Variants in GULP1 observed in about 807,000 individuals in gnomAD.
GULP1 encodes PTB domain-containing engulfment adapter protein 1.
A neutral mutation model predicts 40.9 loss-of-function variants in GULP1; 19 were observed. The observed-to-expected ratio is 0.46, with a 90% CI of 0.32 to 0.68. The LOEUF (loss-of-function observed/expected upper bound fraction) is 0.68. GULP1 is among the 30% of genes least tolerant of loss of function. The pLI is 0.03. For missense variants in GULP1, 312 were observed against 362.2 expected, an observed-to-expected ratio of 0.86 and a Z score of 1.12; for synonymous variants, 119 against 117.6, an observed-to-expected ratio of 1.01 and a Z score of -0.08.
At chr2:188,297,360 CTTAGAAG>C in intron 1 of GULP1, 1 of 397,344 alleles carries the variant, frequency 2.5e-6, no homozygotes. Flanking sequence ...AAATTCACTA[CTTAGAAG>C]TTAGATACTA....
At chr2:188,564,749 C>G (rs762338072) in intron 7 of GULP1, among the ~76,000 whole-genome samples, 1 of 151,754 alleles carries the variant, frequency 6.6e-6, no homozygotes, top group Non-Finnish European at 1.5e-5. Flanking sequence ...TTACCTAGAA[C>G]AAAAACAAAT....
chr2:188,463,695 T>C (rs911782054), intron 2 of GULP1, among the ~76,000 whole-genome samples: 11 of 152,098 alleles, frequency 7.2e-5, no homozygotes, highest in African/African-American at 2.7e-4. Context: ...TTTATTTTTT[T>C]TTCTTCGTTT....
In GULP1 at chr2:188,462,692, GT is replaced by G. The variant is rs1179105028; in HGVS notation, c.-44-14964del. ...GTGAACTTCTTTGTCTTTTCTTACA[GT>G]TTCTTCCTGTTTTCCTTTTATTGAA... On this transcript the variant is annotated intron_variant, in intron 2 of 11. Coordinates refer to ENST00000409830, the MANE Select transcript of GULP1 (RefSeq NM_016315.4). 5.9e-5 allele frequency among the ~76,000 whole-genome samples: 9 copies of G among 151,954 alleles called. No homozygotes were observed. The South Asian group carries it at 1.2e-3, about 21-fold the overall frequency.
intron 1 of GULP1, among the ~76,000 whole-genome samples, chr2:188,363,607 A>G (rs1469892805): frequency 6.6e-6 from 1 of 152,128 alleles, no homozygotes; most frequent in Non-Finnish European, 1.5e-5. Context: ...GCAAAGGGTT[A>G]TTAATCTCTG....
At chr2:188,468,636 G>A (rs543973178) in intron 2 of GULP1, among the ~76,000 whole-genome samples, 1 of 152,202 alleles carries the variant, frequency 6.6e-6, no homozygotes, top group Admixed American at 6.5e-5. Context: ...GCACTCATTA[G>A]TGTGAGAGAA....
At chr2:188,314,662 T>C (rs771556177) in intron 1 of GULP1, among the ~76,000 whole-genome samples, 19 of 152,198 alleles carry the variant, frequency 1.2e-4, no homozygotes, top group Non-Finnish European at 2.8e-4. Flanking sequence ...CACTACACTT[T>C]CTTTATGTAC....
chr2:188,581,618 C>T (rs1701345479), intron 9 of GULP1, among the ~76,000 whole-genome samples: 1 of 152,132 alleles, frequency 6.6e-6, no homozygotes, highest in Non-Finnish European at 1.5e-5. Flanking sequence ...ACCTAGTACA[C>T]TGCTTGCTTG....
chr2:188,505,177 T>G (rs2153174869), intron 4 of GULP1, among the ~76,000 whole-genome samples: 1 of 151,912 alleles, frequency 6.6e-6, no homozygotes, highest in Middle Eastern at 3.4e-3. Context: ...TTGCTGCTTC[T>G]TACTCTGAAT....
At chr2:188,337,008 A>G (rs942475171) in intron 1 of GULP1, among the ~76,000 whole-genome samples, 8 of 152,112 alleles carry the variant, frequency 5.3e-5, no homozygotes, top group African/African-American at 1.7e-4. Flanking sequence ...GATACCTTTC[A>G]TGGTTTTAGA....
chr2:188,371,517 T>C (rs2047596936), intron 1 of GULP1, among the ~76,000 whole-genome samples: 2 of 152,136 alleles, frequency 1.3e-5, no homozygotes, highest in Admixed American at 6.5e-5. Flanking sequence ...TCTTTCAACG[T>C]TGATTTTCTC....
chr2:188,334,729 C>G (rs1352713687), intron 1 of GULP1, among the ~76,000 whole-genome samples: 1 of 152,160 alleles, frequency 6.6e-6, no homozygotes, highest in African/African-American at 2.4e-5. Context: ...ATTTGTATTG[C>G]CTTTGCAACT....
At chr2:188,345,845 T>C (rs1364670246) in intron 1 of GULP1, among the ~76,000 whole-genome samples, 1 of 152,222 alleles carries the variant, frequency 6.6e-6, no homozygotes, top group Non-Finnish European at 1.5e-5. Flanking sequence ...AGTGTTCGTA[T>C]TCATTCATTC....
chr2:188,397,488 C>A (rs1022430126), intron 2 of GULP1, among the ~76,000 whole-genome samples: 1 of 152,118 alleles, frequency 6.6e-6, no homozygotes, highest in South Asian at 2.1e-4. Context: ...AAATTTAAAT[C>A]TAAATAAAAC....
chr2:188,566,098 A>G (rs1471174253), intron 7 of GULP1, among the ~76,000 whole-genome samples: 1 of 152,124 alleles, frequency 6.6e-6, no homozygotes. Context: ...GAGATTATAT[A>G]TCTTATATGA....
intron 1 of GULP1, among the ~76,000 whole-genome samples, chr2:188,304,752 G>A (rs2036760320): frequency 6.6e-6 from 1 of 152,120 alleles, no homozygotes; most frequent in Admixed American, 6.6e-5. Flanking sequence ...TGTACCTCCT[G>A]TGTGATAAGA....
chr2:188,363,460 A>G (rs567448871), intron 1 of GULP1, among the ~76,000 whole-genome samples: 34 of 152,268 alleles, frequency 2.2e-4, no homozygotes, highest in African/African-American at 7.9e-4. Flanking sequence ...TGAAAATTCC[A>G]AGGAAACATT....
At chr2:188,525,345 C>T (rs574762033) in intron 5 of GULP1, among the ~76,000 whole-genome samples, 10 of 152,064 alleles carry the variant, frequency 6.6e-5, no homozygotes, top group Admixed American at 1.3e-4. Flanking sequence ...GAGCCGCGAT[C>T]GCGCCATTGC....
intron 4 of GULP1, among the ~76,000 whole-genome samples, chr2:188,496,105 A>T (rs2062869512): frequency 6.6e-6 from 1 of 152,010 alleles, no homozygotes. Context: ...GCAATGGCTA[A>T]TTGCTTCCTA....
intron 1 of GULP1, among the ~76,000 whole-genome samples, chr2:188,302,053 G>T (rs2036223407): frequency 1.3e-5 from 2 of 152,062 alleles, no homozygotes; most frequent in African/African-American, 4.8e-5. Flanking sequence ...ATTATTAAAT[G>T]ATATCTTAAT....
Sources: allele counts gnomAD v4.1 joint callset (sites outside exome capture counted in the v4.1 genomes callset), GRCh38; gene constraint gnomAD v4.1.1; transcripts MANE v1.5; gene names NCBI Gene and HGNC (gene_info 2026-07-23, HGNC 2026-07-21).